The following ATP2B1 variants were observed in gnomAD, a reference collection of about 807,000 sequenced individuals.
ATP2B1 encodes the protein ATPase plasma membrane Ca2+ transporting 1.
Under a neutral mutation model 124.2 loss-of-function variants are expected in ATP2B1, and 14 were observed. The ratio of observed to expected loss-of-function variants is 0.11; its 90% CI spans 0.07 to 0.18. The LOEUF (loss-of-function observed/expected upper bound fraction) is 0.18. Ranked by LOEUF, ATP2B1 falls within the 10% of genes least tolerant of loss-of-function variation. The pLI is 1.00. For missense variants in ATP2B1, 763 were observed against 1,466.1 expected (o/e 0.52, Z 7.83); for synonymous variants, 449 against 492.4 (o/e 0.91, Z 1.17).
chr12:89,655,770 C>T lies in ATP2B1; in HGVS notation c.117G>A (p.Glu39=). The part of the protein sequence containing the change: ...ITLAELRALM[E]LRSTDALRKI... ...TTCGTAATGCATCTGTGGACCTGAG[C>T]TCCATGAGAGCCCGCAGCTCTGCGA... Residue 39 remains glutamate, a synonymous_variant, in exon 2 of 21, where the codon GAG becomes GAA. Coordinates refer to ENST00000428670, the MANE Select transcript of ATP2B1 (RefSeq NM_001366521.1). 6.2e-7 allele frequency: 1 copy of T among 1,614,176 alleles called. No homozygotes were observed. The highest frequency in any genetic ancestry group is 1.1e-5 in the South Asian group (1 of 91,086).
intron 1 of ATP2B1, among the ~76,000 whole-genome samples, chr12:89,663,993 T>C (rs1234789654): frequency 6.6e-6 from 1 of 152,238 alleles, no homozygotes; most frequent in Non-Finnish European, 1.5e-5. Flanking sequence ...CGAGATTCGT[T>C]TATTGATAAT....
intron 1 of ATP2B1, among the ~76,000 whole-genome samples, chr12:89,706,719 G>A (rs545763241): frequency 2.3e-4 from 35 of 152,164 alleles, no homozygotes; most frequent in Non-Finnish European, 4.9e-4. Flanking sequence ...AAATCAAGAA[G>A]GCGTACCCCG....
chr12:89,648,472 C>T (rs866345253), intron 2 of ATP2B1, among the ~76,000 whole-genome samples: 5 of 152,162 alleles, frequency 3.3e-5, no homozygotes, highest in African/African-American at 7.2e-5. Context: ...TAGCACAAGA[C>T]GGTTCTCAGC....
At chr12:89,621,437 A>T in intron 10 of ATP2B1, 112 bp downstream of exon 10, 1 of 855,976 alleles carries the variant, frequency 1.2e-6, no homozygotes, top group Non-Finnish European at 1.6e-6. Context: ...TATGCCTTTT[A>T]AAAACTTAAC....
At chr12:89,592,671 C>T (rs1172655348) in intron 20 of ATP2B1, among the ~76,000 whole-genome samples, 1 of 152,052 alleles carries the variant, frequency 6.6e-6, no homozygotes, top group Non-Finnish European at 1.5e-5. Flanking sequence ...TGAGGAACCT[C>T]GGTCAAACAG....
At position 89,590,833 on chromosome 12, in the gene ATP2B1, TTTTA is replaced by T. The variant is rs1312361371; in HGVS notation, c.*147_*150del. 3.3e-6 allele frequency: 3 copies of T among 902,708 alleles called. No individual in the cohort carries two copies. The highest frequency in any genetic ancestry group is 4.9e-6 in the Non-Finnish European group (3 of 614,392). The allele number at this position is 902,708 out of a possible 1,614,324, so 55.9% of individuals were successfully genotyped here. A position where few individuals can be genotyped will look rare whatever the true frequency, so the allele number is the denominator to read the frequency against. ...CTGGCAGAAAGCTTTGCTTTTTTTT[TTTTA>T]AAAAAATAAATCTACATTCGTACAA... On this transcript the variant is annotated 3_prime_UTR_variant, in exon 21 of 21. Coordinates refer to ENST00000428670, the MANE Select transcript of ATP2B1 (RefSeq NM_001366521.1).
At chr12:89,609,788 T>C in intron 15 of ATP2B1, 149 bp downstream of exon 15, 7 of 635,866 alleles carry the variant, frequency 1.1e-5, no homozygotes, top group South Asian at 2.3e-5. Context: ...ATTAGACTTA[T>C]AAACCAATTT....
intron 12 of ATP2B1, among the ~76,000 whole-genome samples, chr12:89,616,027 T>C (rs1048025812): frequency 2.0e-5 from 3 of 152,112 alleles, no homozygotes; most frequent in Non-Finnish European, 2.9e-5. Flanking sequence ...TTAGGCTAGG[T>C]TGGGAACTCG....
chr12:89,659,688 C>T (rs542369985), intron 1 of ATP2B1, among the ~76,000 whole-genome samples: 2 of 151,972 alleles, frequency 1.3e-5, no homozygotes, highest in South Asian at 2.1e-4. Flanking sequence ...TTTGGGAGGC[C>T]GAGGCGGGCG....
At chr12:89,643,103 CGTATATAT>C (rs1883852345) in intron 2 of ATP2B1, among the ~76,000 whole-genome samples, 1 of 144,050 alleles carries the variant, frequency 6.9e-6, no homozygotes, top group African/African-American at 2.6e-5. Context: ...TATATACATA[CGTATATAT>C]ATACGTATAT....
chr12:89,630,539 T>C lies in ATP2B1; in HGVS notation c.894A>G (p.Glu298=), dbSNP rs1399708894. 1.3e-6 allele frequency: 2 copies of C among 1,588,626 alleles called. No individual in the cohort carries two copies. The highest frequency in any genetic ancestry group is 1.7e-6 in the Non-Finnish European group (2 of 1,167,222). The change falls in exon 6 of 21, where the codon GAA becomes GAG. Residue 298 remains glutamate (E), a synonymous_variant. Transcript: ENST00000428670. ...FTLLGAGGEE[E]EKKDEKKKEK... is the part of the protein sequence containing the mutation. Reference sequence around the variant, plus strand: ...CCTTTTTCTTCTCATCTTTCTTCTCTTCCTCTTCACCTCCAGCTCCAAGTA... The same window carrying C: ...CCTTTTTCTTCTCATCTTTCTTCTCCTCCTCTTCACCTCCAGCTCCAAGTA...
At chr12:89,635,866 A>C (rs1262835774) in intron 3 of ATP2B1, among the ~76,000 whole-genome samples, 2 of 152,210 alleles carry the variant, frequency 1.3e-5, no homozygotes, top group Non-Finnish European at 2.9e-5. Flanking sequence ...GCTAGGTGCC[A>C]GACACTATTT....
At chr12:89,611,141 CTAATA>C (rs757826254) in intron 13 of ATP2B1, 47 bp downstream of exon 13, 8 of 1,468,866 alleles carry the variant, frequency 5.4e-6, no homozygotes, top group Non-Finnish European at 7.3e-6. Context: ...AGTTAAATTC[CTAATA>C]TATTAAACAT....
intron 1 of ATP2B1, among the ~76,000 whole-genome samples, chr12:89,679,054 A>AT (rs953648740): frequency 6.6e-6 from 1 of 152,070 alleles, no homozygotes; most frequent in Admixed American, 6.6e-5. Context: ...TACTTAAGGC[A>AT]TTAAAAAAAA....
chr12:89,705,145 G>A (rs760719577), intron 1 of ATP2B1, among the ~76,000 whole-genome samples: 1 of 152,004 alleles, frequency 6.6e-6, no homozygotes, highest in Non-Finnish European at 1.5e-5. Context: ...GGTATGTATA[G>A]ATAACATTTC....
At chr12:89,613,569 T>C (rs2136023529) in intron 12 of ATP2B1, among the ~76,000 whole-genome samples, 1 of 152,326 alleles carries the variant, frequency 6.6e-6, no homozygotes, top group African/African-American at 2.4e-5. Flanking sequence ...AAAACACTTG[T>C]CTGTTTTATA....
Position 89,627,761 on chromosome 12 carries a change from T to C in ATP2B1, c.929-45A>G, listed in dbSNP as rs760001593. The C allele has an allele frequency of 5.7e-6, 9 of 1,578,132 alleles. No individual in the cohort carries two copies. The South Asian group carries it at 7.8e-5, about 14-fold the overall frequency. On this transcript the variant is annotated intron_variant, in intron 6 of 20. Transcript: ENST00000428670. Reference sequence around the variant, plus strand: ...ATTAAAGCTTTCCAAAAGAAATGAATACAGCCATGCTAAATTATGCAGAAG... The same window carrying C: ...ATTAAAGCTTTCCAAAAGAAATGAACACAGCCATGCTAAATTATGCAGAAG...
At chr12:89,694,887 T>A (rs530258695) in intron 1 of ATP2B1, among the ~76,000 whole-genome samples, 2 of 151,892 alleles carry the variant, frequency 1.3e-5, no homozygotes, top group Admixed American at 1.3e-4. Context: ...CGAAACCCTA[T>A]CTCTACAAAA....
intron 5 of ATP2B1, 115 bp from the exon 6 acceptor site, chr12:89,630,760 T>C (rs11105350): frequency 5.0e-5 from 16 of 323,196 alleles, no homozygotes; most frequent in Admixed American, 2.7e-4. Context: ...GGAAAAAATA[T>C]ATATAAATAT....
Sources: allele counts gnomAD v4.1 joint callset (sites outside exome capture counted in the v4.1 genomes callset), GRCh38; gene constraint gnomAD v4.1.1; transcripts MANE v1.5; gene names NCBI Gene and HGNC (gene_info 2026-07-23, HGNC 2026-07-21).